The following WEE2 variants were observed in gnomAD, a reference collection of about 807,000 sequenced individuals.
WEE2 encodes wee1-like protein kinase 2.
WEE2 carries 50 observed loss-of-function variants against 60.1 expected under a neutral mutation model. The observed-to-expected ratio is 0.83, with a 90% CI of 0.66 to 1.05. The LOEUF (loss-of-function observed/expected upper bound fraction) is 1.05, where lower values mean the gene tolerates loss of function less well. Ranked by LOEUF, WEE2 falls within the 50% of genes least tolerant of loss-of-function variation. The pLI, the probability that WEE2 is intolerant of heterozygous loss-of-function variation, is 0.00. For missense variants in WEE2, 631 were observed against 684.3 expected (o/e 0.92, Z 0.87); for synonymous variants, 240 against 241.0 (o/e 1.00, Z 0.04).
At position 141,716,249 on chromosome 7, in the gene WEE2, G is replaced by A. The variant is rs755076913; in HGVS notation, c.567G>A (p.Lys189=). Residue 189 remains lysine, a synonymous_variant, in exon 3 of 12, where the codon AAG becomes AAA. Coordinates refer to ENST00000397541, the MANE Select transcript of WEE2 (RefSeq NM_001105558.1). ...DLEEAGPEEG[K]GGLPAKRCVL... ...AGGAAGCTGGTCCAGAGGAAGGCAA[G>A]GGAGGGCTGCCTGCCAAGGTAAGCG... 1 of 1,612,652 alleles carries A rather than the reference G, an allele frequency of 6.2e-7. No individual in the cohort carries two copies. The highest frequency in any genetic ancestry group is 8.5e-7 in the Non-Finnish European group (1 of 1,179,418).
At position 141,716,202 on chromosome 7, in the gene WEE2, C is replaced by CTT. The variant is rs200089139; in HGVS notation, c.540-12_540-11dup. 6 of 1,596,468 alleles carry CTT rather than the reference C, an allele frequency of 3.8e-6. No individual in the cohort carries two copies. Among genetic ancestry groups the CTT allele is most frequent in the Admixed American group, 3.4e-5 (2 of 59,466 alleles). ...TAAATATTAATTATATATTGATAAA[C>CTT]TTTTTTTTTCTTTTTTAAGTGAGGA... On this transcript the variant is annotated intron_variant, in intron 2 of 11. Transcript: ENST00000397541.
chr7:141,719,211 G>A lies in WEE2; in HGVS notation c.725G>A (p.Arg242His), dbSNP rs752743808. 52 of 1,611,150 alleles carry A rather than the reference G, an allele frequency of 3.2e-5. No homozygotes were observed. The highest frequency in any genetic ancestry group is 5.0e-5 in the Admixed American group (3 of 59,660). Residue 242 changes from arginine to histidine, a missense_variant, in exon 4 of 12, where the codon CGC becomes CAC. By Grantham distance (29) the Arg-to-His change is conservative (BLOSUM62 0). Coordinates refer to ENST00000397541, the MANE Select transcript of WEE2 (RefSeq NM_001105558.1). Reference sequence around the variant, plus strand: ...GATGGATGTGTTTATGCAATAAAGCGCTCTATGAAAACTTTTACAGAATTA... The same window carrying A: ...GATGGATGTGTTTATGCAATAAAGCACTCTATGAAAACTTTTACAGAATTA... ...RLDGCVYAIK[R>H]SMKTFTELSN...
intron 1 of WEE2, 99 bp downstream of exon 1, chr7:141,709,199 T>G (rs556042372): frequency 1.1e-6 from 1 of 895,534 alleles, no homozygotes. Context: ...GACAGTCACC[T>G]CCAGGCTGTG....
chr7:141,716,792 A>T (rs547512726), intron 3 of WEE2, among the ~76,000 whole-genome samples: 1 of 152,350 alleles, frequency 6.6e-6, no homozygotes, highest in Non-Finnish European at 1.5e-5. Context: ...CTCAAAATAG[A>T]AAAAGATAAT....
Position 141,708,908 on chromosome 7 carries a change from G to A in WEE2, c.150G>A (p.Glu50=). 3 of 1,614,178 alleles carry A rather than the reference G, an allele frequency of 1.9e-6. No homozygotes were observed. Among genetic ancestry groups the A allele is most frequent in the Non-Finnish European group, 2.5e-6 (3 of 1,180,022 alleles). The change falls in exon 1 of 12, where the codon GAG becomes GAA. Residue 50 remains glutamate (E), a synonymous_variant. Coordinates refer to ENST00000397541, the MANE Select transcript of WEE2 (RefSeq NM_001105558.1). ...TPEKGEVQDS[E]AKGTPPWTPL... is the part of the protein sequence containing the mutation. ...AGAAGGGTGAAGTGCAGGATTCAGAGGCAAAGGGTACACCACCTTGGACTC... is the reference window on the plus strand; with the variant it reads ...AGAAGGGTGAAGTGCAGGATTCAGAAGCAAAGGGTACACCACCTTGGACTC...
chr7:141,726,193 A>T (rs1266712937), intron 9 of WEE2, among the ~76,000 whole-genome samples: 2 of 152,366 alleles, frequency 1.3e-5, no homozygotes, highest in African/African-American at 2.4e-5. Flanking sequence ...ACTTTAAATC[A>T]TGTCTTAAGG....
In WEE2 at chr7:141,714,412, G is replaced by A. The variant is rs757737836; in HGVS notation, c.539+7G>A. Reference sequence around the variant, plus strand: ...GGAAAATAAGAGGAGATCTGTAAGTGCTCTATTACTTATGACTTTTGAGAA... The same window carrying A: ...GGAAAATAAGAGGAGATCTGTAAGTACTCTATTACTTATGACTTTTGAGAA... On this transcript the variant is annotated splice_region_variant and intron_variant, in intron 2 of 11. Coordinates refer to ENST00000397541, the MANE Select transcript of WEE2 (RefSeq NM_001105558.1). The A allele has an allele frequency of 2.8e-5, 44 of 1,598,766 alleles. No individual in the cohort carries two copies. The highest frequency in any genetic ancestry group is 3.7e-5 in the Non-Finnish European group (43 of 1,173,210).
At chr7:141,709,268 G>GGACAGAATTA (rs1798673988) in intron 1 of WEE2, among the ~76,000 whole-genome samples, 168 bp downstream of exon 1, 2 of 152,180 alleles carry the variant, frequency 1.3e-5, no homozygotes, top group South Asian at 4.1e-4. Flanking sequence ...ACCAGAAAAT[G>GGACAGAATTA]GACAGAATTA....
intron 1 of WEE2, 161 bp from the exon 2 acceptor site, chr7:141,714,048 C>A: frequency 1.8e-6 from 1 of 565,694 alleles, no homozygotes; most frequent in Non-Finnish European, 3.1e-6. Context: ...CTATAGTTTT[C>A]ATAAGAGGAG....
At chr7:141,714,153 A>G in intron 1 of WEE2, 56 bp from the exon 2 acceptor site, 1 of 1,411,384 alleles carries the variant, frequency 7.1e-7, no homozygotes, top group Non-Finnish European at 9.6e-7. Context: ...TAGCTAACTG[A>G]TAAGGAATGT....
chr7:141,725,624 C>CAA (rs34460684), intron 9 of WEE2, among the ~76,000 whole-genome samples: 13 of 101,220 alleles, frequency 1.3e-4, no homozygotes, highest in African/African-American at 3.0e-4. Context: ...GACTCCGTCT[C>CAA]AAAAAAAAAA....
At chr7:141,725,403 G>C (rs376580179) in intron 9 of WEE2, among the ~76,000 whole-genome samples, 12 of 152,052 alleles carry the variant, frequency 7.9e-5, no homozygotes, top group African/African-American at 2.9e-4. Flanking sequence ...GAGGAGGGTG[G>C]ACCACAAGGT....
At chr7:141,728,811 A>G (rs1223340574) in intron 10 of WEE2, among the ~76,000 whole-genome samples, 1 of 152,200 alleles carries the variant, frequency 6.6e-6, no homozygotes, top group Admixed American at 6.5e-5. Flanking sequence ...TGGTAGCATT[A>G]AATTCTTATA....
chr7:141,718,790 T>A (rs1170272934), intron 3 of WEE2, among the ~76,000 whole-genome samples: 1 of 152,036 alleles, frequency 6.6e-6, no homozygotes, highest in Non-Finnish European at 1.5e-5. Flanking sequence ...CTTAGGAACA[T>A]GTAGAAAAGA....
chr7:141,710,890 T>C lies in WEE2; in HGVS notation c.342+1790T>C, dbSNP rs556053505. On this transcript the variant is annotated intron_variant, in intron 1 of 11. Coordinates refer to ENST00000397541, the MANE Select transcript of WEE2 (RefSeq NM_001105558.1). ...AGAGAGCCATTACCATGGTTTTGAG[T>C]AGAGGGATTTTTTTGGAAAAATCAT... Among the ~76,000 whole-genome samples, 13 of 152,210 alleles carry C rather than the reference T, an allele frequency of 8.5e-5. No individual in the cohort carries two copies. The South Asian group carries it at 2.7e-3, about 32-fold the overall frequency.
At chr7:141,718,304 T>C (rs1045121826) in intron 3 of WEE2, among the ~76,000 whole-genome samples, 5 of 152,226 alleles carry the variant, frequency 3.3e-5, no homozygotes, top group African/African-American at 1.2e-4. Flanking sequence ...AATAGTTTAA[T>C]GAGAATTTAC....
intron 1 of WEE2, among the ~76,000 whole-genome samples, chr7:141,710,866 G>C (rs1186297044): frequency 6.6e-6 from 1 of 152,170 alleles, no homozygotes; most frequent in Non-Finnish European, 1.5e-5. Context: ...AGAGTGTTGA[G>C]AGAGCCATTA....
rs768338859 is a variant in WEE2, at chr7:141,730,346, G to A, written c.*26G>A. On this transcript the variant is annotated 3_prime_UTR_variant, in exon 12 of 12. Coordinates refer to ENST00000397541, the MANE Select transcript of WEE2 (RefSeq NM_001105558.1). The stretch of plus-strand genomic sequence containing the variant: ...AGGAAGAAAAGGAAAACAGCCCTTG[G>A]TTTGGCCTATGGATTACGAGGTTGC... 3.7e-6 allele frequency: 6 copies of A among 1,611,514 alleles called. No homozygotes were observed. Among genetic ancestry groups the A allele is most frequent in the Non-Finnish European group, 5.1e-6 (6 of 1,178,436 alleles).
intron 11 of WEE2, 42 bp downstream of exon 11, chr7:141,729,715 G>A (rs6962507): frequency 0.44 from 696,751 of 1,584,858 alleles, 154,977 homozygotes; most frequent in Non-Finnish European, 0.45. Flanking sequence ...GCAGCCGGGC[G>A]TGGTGGCTCA....
Sources: allele counts gnomAD v4.1 joint callset (sites outside exome capture counted in the v4.1 genomes callset), GRCh38; gene constraint gnomAD v4.1.1; transcripts MANE v1.5; gene names NCBI Gene and HGNC (gene_info 2026-07-23, HGNC 2026-07-21).